Variants in AGBL4 observed in about 807,000 individuals in gnomAD.
AGBL4 encodes the protein cytosolic carboxypeptidase 6.
A neutral mutation model predicts 66.4 loss-of-function variants in AGBL4; 58 were observed. That is an observed-to-expected ratio of 0.87 (90% CI 0.71 to 1.09). The LOEUF (loss-of-function observed/expected upper bound fraction) is 1.09. AGBL4 is among the 50% of genes least tolerant of loss of function. The pLI is 0.00. For synonymous variants in AGBL4, 234 were observed against 222.9 expected, an observed-to-expected ratio of 1.05 and a Z score of -0.44; for missense variants, 579 against 631.0, an observed-to-expected ratio of 0.92 and a Z score of 0.88.
intron 3 of AGBL4, among the ~76,000 whole-genome samples, chr1:49,383,660 G>A (rs1434311597): frequency 6.6e-6 from 1 of 151,990 alleles, no homozygotes; most frequent in African/African-American, 2.4e-5. Context: ...ATGAATTAAA[G>A]ATCTAAATGT....
At chr1:50,007,269 G>GA (rs1661206923) in intron 1 of AGBL4, among the ~76,000 whole-genome samples, 1 of 151,922 alleles carries the variant, frequency 6.6e-6, no homozygotes, top group African/African-American at 2.4e-5. Context: ...CCTCACCACA[G>GA]AAAATAATCT....
At chr1:49,531,743 G>A (rs1651157598) in intron 3 of AGBL4, among the ~76,000 whole-genome samples, 1 of 152,022 alleles carries the variant, frequency 6.6e-6, no homozygotes, top group South Asian at 2.1e-4. Context: ...AGAGATGAGA[G>A]CAGATCTTTA....
intron 1 of AGBL4, among the ~76,000 whole-genome samples, chr1:49,939,879 C>T (rs1333168750): frequency 6.6e-6 from 1 of 152,118 alleles, no homozygotes; most frequent in Non-Finnish European, 1.5e-5. Flanking sequence ...AGAGCTTCTG[C>T]ACAGCAAAAG....
At chr1:49,846,072 G>C in intron 2 of AGBL4, 2 of 1,574,180 alleles carry the variant, frequency 1.3e-6, no homozygotes, top group South Asian at 2.2e-5. Flanking sequence ...ATCCACACAG[G>C]AGAGAAACCC....
intron 5 of AGBL4, among the ~76,000 whole-genome samples, chr1:48,950,878 AT>A (rs1252162749): frequency 6.6e-6 from 1 of 152,082 alleles, no homozygotes; most frequent in African/African-American, 2.4e-5. Flanking sequence ...TACTTCTACT[AT>A]CCCCATCCCC....
At chr1:48,822,228 T>C (rs373191044) in intron 6 of AGBL4, among the ~76,000 whole-genome samples, 22 of 152,222 alleles carry the variant, frequency 1.4e-4, no homozygotes, top group African/African-American at 4.8e-4. Flanking sequence ...AAAAGACTTG[T>C]TCAAGAATGA....
At chr1:49,526,995 T>G (rs149929227) in intron 3 of AGBL4, among the ~76,000 whole-genome samples, 1 of 152,266 alleles carries the variant, frequency 6.6e-6, no homozygotes, top group Non-Finnish European at 1.5e-5. Flanking sequence ...AAACATTAGG[T>G]TGATGATACT....
intron 4 of AGBL4, among the ~76,000 whole-genome samples, chr1:49,219,006 C>G (rs751047821): frequency 1.3e-5 from 2 of 152,092 alleles, no homozygotes; most frequent in East Asian, 3.9e-4. Flanking sequence ...ACCTCTTTTA[C>G]TTTATAAATT....
At chr1:48,749,351 C>T (rs574461036) in intron 6 of AGBL4, among the ~76,000 whole-genome samples, 5 of 152,272 alleles carry the variant, frequency 3.3e-5, no homozygotes, top group African/African-American at 7.2e-5. Flanking sequence ...CAGCACCCAG[C>T]GCAATGTCCT....
At chr1:49,848,686 A>C (rs1457786857) in intron 2 of AGBL4, among the ~76,000 whole-genome samples, 1 of 152,182 alleles carries the variant, frequency 6.6e-6, no homozygotes, top group Non-Finnish European at 1.5e-5. Flanking sequence ...ATGAGAGATG[A>C]GAAATTATTT....
chr1:49,446,043 G>C (rs1223439817), intron 3 of AGBL4, among the ~76,000 whole-genome samples: 1 of 151,964 alleles, frequency 6.6e-6, no homozygotes, highest in Non-Finnish European at 1.5e-5. Flanking sequence ...GTAGAGACAG[G>C]GTTTCGTCTT....
intron 3 of AGBL4, among the ~76,000 whole-genome samples, chr1:49,515,423 CT>C (rs892248336): frequency 6.6e-6 from 1 of 152,064 alleles, no homozygotes; most frequent in African/African-American, 2.4e-5. Context: ...AATAGGAACA[CT>C]TTTACACTGT....
At position 49,169,206 on chromosome 1, in the gene AGBL4, T is replaced by C. The variant is rs191003196; in HGVS notation, c.377+76564A>G. Among the ~76,000 whole-genome samples, 25 of 152,256 alleles carry C rather than the reference T, an allele frequency of 1.6e-4. No homozygotes were observed. The East Asian group carries it at 4.6e-3, about 28-fold the overall frequency. On this transcript the variant is annotated intron_variant, in intron 4 of 13. Coordinates refer to ENST00000371839, the MANE Select transcript of AGBL4 (RefSeq NM_032785.4). ...AAGTATAATACTAAAGCAGTGGAAG[T>C]GTCACAGTTGTAGGAAGGAAGGAAA...
chr1:49,564,773 T>C (rs540212188), intron 3 of AGBL4, among the ~76,000 whole-genome samples: 65 of 152,352 alleles, frequency 4.3e-4, no homozygotes, highest in Non-Finnish European at 8.5e-4. Context: ...CTGAAAAGAA[T>C]GTATATTCTG....
intron 7 of AGBL4, among the ~76,000 whole-genome samples, chr1:48,654,714 C>T (rs1037634333): frequency 6.6e-6 from 1 of 152,228 alleles, no homozygotes; most frequent in Non-Finnish European, 1.5e-5. Flanking sequence ...GGAATGATAA[C>T]TCGCTCCAGA....
At chr1:49,412,881 G>C (rs955795008) in intron 3 of AGBL4, among the ~76,000 whole-genome samples, 4 of 152,210 alleles carry the variant, frequency 2.6e-5, no homozygotes, top group African/African-American at 9.6e-5. Context: ...GGTATAAAAG[G>C]GAAACCATGA....
chr1:49,819,553 A>G (rs1377769983), intron 2 of AGBL4, among the ~76,000 whole-genome samples: 2 of 152,178 alleles, frequency 1.3e-5, no homozygotes, highest in African/African-American at 4.8e-5. Context: ...ATTCCTAGAT[A>G]ATACCAATCC....
chr1:49,019,964 A>G (rs995830007), intron 5 of AGBL4, among the ~76,000 whole-genome samples: 1 of 152,230 alleles, frequency 6.6e-6, no homozygotes, highest in Non-Finnish European at 1.5e-5. Flanking sequence ...AGCTAGTGCC[A>G]TATGTGGCAC....
chr1:49,458,926 G>C (rs767534989), intron 3 of AGBL4, among the ~76,000 whole-genome samples: 1 of 151,704 alleles, frequency 6.6e-6, no homozygotes, highest in African/African-American at 2.4e-5. Flanking sequence ...GATCATGGAG[G>C]ATTATCTTTT....
Sources: gnomAD v4.1 joint callset for allele counts (sites outside exome capture counted in the v4.1 genomes callset) on GRCh38, gnomAD v4.1.1 for gene constraint, MANE v1.5 for transcripts, NCBI Gene and HGNC (gene_info 2026-07-23, HGNC 2026-07-21) for gene names.